PHF21B: variants seen among roughly 807,000 people sequenced by gnomAD.
PHF21B encodes the protein PHD finger protein 21B, also known as PHD finger protein 4.
PHF21B carries 22 observed loss-of-function variants against 62.2 expected under a neutral mutation model. That is an observed-to-expected ratio of 0.35 (90% CI 0.25 to 0.51). The LOEUF is 0.51. Among genes scored for constraint, PHF21B ranks in the 20% least tolerant of loss-of-function variants. The pLI is 0.97. For synonymous variants in PHF21B, 341 were observed against 314.7 expected (o/e 1.08, Z -0.88); for missense variants, 701 against 707.9 (o/e 0.99, Z 0.11).
At position 44,913,918 on chromosome 22, in the gene PHF21B, C is replaced by G; in HGVS notation, c.735G>C (p.Thr245=). ...CCTCTGTGGGCGGCCGCGACTCTGCCGTGCTCTCGGGCTGCGTCTGCACTT... is the reference window on the plus strand; with the variant it reads ...CCTCTGTGGGCGGCCGCGACTCTGCGGTGCTCTCGGGCTGCGTCTGCACTT... ...QPQVQTQPES[T]AESRPPTEEP... The change falls in exon 5 of 13, where the codon ACG becomes ACC. Residue 245 remains threonine (T), a synonymous_variant. Transcript: ENST00000313237. The G allele has an allele frequency of 6.3e-7, 1 of 1,593,396 alleles. No homozygotes were observed. Among genetic ancestry groups the G allele is most frequent in the East Asian group, 2.3e-5 (1 of 43,258 alleles).
At chr22:44,953,637 G>A (rs2072237610) in intron 2 of PHF21B, among the ~76,000 whole-genome samples, 1 of 152,082 alleles carries the variant, frequency 6.6e-6, no homozygotes, top group Non-Finnish European at 1.5e-5. Context: ...ATTCCCCAGG[G>A]GAGGCCCCAG....
chr22:44,980,408 C>T (rs111613397), intron 2 of PHF21B, among the ~76,000 whole-genome samples: 4,823 of 152,258 alleles, frequency 0.032, 103 homozygotes, highest in Middle Eastern at 0.061. Flanking sequence ...GAGTGTATGT[C>T]CAGCACCCTG....
Position 44,936,990 on chromosome 22 carries a change from G to A in PHF21B, c.121-16500C>T, listed in dbSNP as rs139715314. Among the ~76,000 whole-genome samples the A allele has an allele frequency of 4.3e-3, 652 of 151,216 alleles. 7 individuals carry two copies. Among genetic ancestry groups the A allele is most frequent in the African/African-American group, 0.015 (615 of 41,182 alleles). ...CGGGATTGTCCTGCCTCAGCCTCCT[G>A]AGTAGCTGGGATTACAGGTGCCCGC... is the stretch of plus-strand genomic sequence containing the variant. On this transcript the variant is annotated intron_variant, in intron 2 of 12. Transcript: ENST00000313237.
rs926415539 is a variant in PHF21B, at chr22:44,886,612, C to T, written c.1198-674G>A. The stretch of plus-strand genomic sequence containing the variant: ...TGAGGTGGGAAGATTGTTTGAGCCC[C>T]GAAGGTCAAGACTGCAGTGAGCTGT... On this transcript the variant is annotated intron_variant, in intron 10 of 12. Coordinates refer to ENST00000313237, the MANE Select transcript of PHF21B (RefSeq NM_138415.5). 9.9e-5 allele frequency among the ~76,000 whole-genome samples: 15 copies of T among 151,750 alleles called. 3 individuals are homozygous for T. The highest frequency in any genetic ancestry group is 4.8e-5 in the African/African-American group (2 of 41,400).
intron 2 of PHF21B, among the ~76,000 whole-genome samples, chr22:44,921,128 C>A (rs1225288468): frequency 1.3e-5 from 2 of 152,200 alleles, no homozygotes; most frequent in Admixed American, 6.5e-5. Flanking sequence ...TGTGCACCAA[C>A]CTGCCCCCCA....
intron 2 of PHF21B, among the ~76,000 whole-genome samples, chr22:44,985,226 C>T (rs966952996): frequency 1.3e-5 from 2 of 152,190 alleles, no homozygotes; most frequent in Non-Finnish European, 2.9e-5. Flanking sequence ...CAAACTTCCA[C>T]ACCCACTATT....
chr22:44,981,020 A>G (rs186570361), intron 2 of PHF21B, among the ~76,000 whole-genome samples: 8 of 152,370 alleles, frequency 5.3e-5, no homozygotes, highest in Admixed American at 1.3e-4. Flanking sequence ...CGGGAAATAA[A>G]TAAGTCCCAA....
rs767556742 is a variant in PHF21B, at chr22:44,896,023, C to T, written c.883+9G>A. ...AGCCCAACCTGCTGCTACCTGGATC[C>T]TTCCTTACCTTCCAAATGTTCCGTG... On this transcript the variant is annotated intron_variant, in intron 6 of 12. Coordinates refer to ENST00000313237, the MANE Select transcript of PHF21B (RefSeq NM_138415.5). 4 of 1,614,202 alleles carry T rather than the reference C, an allele frequency of 2.5e-6. No individual in the cohort carries two copies. The highest frequency in any genetic ancestry group is 1.6e-4 in the Middle Eastern group (1 of 6,062).
chr22:44,984,788 T>C (rs16991948), intron 2 of PHF21B, among the ~76,000 whole-genome samples: 12,334 of 152,316 alleles, frequency 0.081, 629 homozygotes, highest in Middle Eastern at 0.19. Context: ...ATTCCTGTTA[T>C]TTCCTTCCAG....
chr22:44,961,118 G>A (rs1189157268), intron 2 of PHF21B, among the ~76,000 whole-genome samples: 8 of 151,534 alleles, frequency 5.3e-5, no homozygotes, highest in East Asian at 2.0e-4. Flanking sequence ...CACCACACCC[G>A]GCTCATTTTT....
At chr22:44,914,335 G>A (rs1440236893) in intron 4 of PHF21B, among the ~76,000 whole-genome samples, 1 of 152,200 alleles carries the variant, frequency 6.6e-6, no homozygotes, top group Non-Finnish European at 1.5e-5. Flanking sequence ...AACTGGGAAG[G>A]TCTGGGTTCC....
intron 8 of PHF21B, 139 bp from the exon 9 acceptor site, chr22:44,889,921 C>A: frequency 3.5e-6 from 3 of 860,712 alleles, no homozygotes. Context: ...CCCCATGATA[C>A]CTGGGCTCTC....
chr22:44,952,678 T>C (rs1027263881), intron 2 of PHF21B, among the ~76,000 whole-genome samples: 5 of 152,228 alleles, frequency 3.3e-5, no homozygotes, highest in African/African-American at 1.2e-4. Flanking sequence ...CCACATCTCC[T>C]ATGATGAATA....
chr22:44,996,719 C>T lies in PHF21B; in HGVS notation c.120+11826G>A, dbSNP rs561829426. Among the ~76,000 whole-genome samples the T allele has an allele frequency of 5.2e-3, 784 of 152,092 alleles. 5 individuals are homozygous for T. The highest frequency in any genetic ancestry group is 0.018 in the African/African-American group (745 of 41,478). ...ATGCATATACACATGCAGACATATA[C>T]ACATGCATGCAAACACACACAAACA... On this transcript the variant is annotated intron_variant, in intron 2 of 12. Transcript: ENST00000313237.
At chr22:45,006,106 CAA>C (rs2073309195) in intron 2 of PHF21B, among the ~76,000 whole-genome samples, 3 of 152,166 alleles carry the variant, frequency 2.0e-5, no homozygotes, top group African/African-American at 7.2e-5. Flanking sequence ...TGAAAGATTT[CAA>C]CGCAGAGCCT....
At chr22:44,961,373 G>A (rs1350127342) in intron 2 of PHF21B, among the ~76,000 whole-genome samples, 1 of 152,150 alleles carries the variant, frequency 6.6e-6, no homozygotes, top group African/African-American at 2.4e-5. Context: ...CCCAGGTAGT[G>A]AGCACAGTAC....
At position 44,916,543 on chromosome 22, in the gene PHF21B, C is replaced by T; in HGVS notation, c.301G>A (p.Ala101Thr). ...PPKQPPTFQKATVVSVKNPSP... is the reference protein window; with the variant it reads ...PPKQPPTFQKTTVVSVKNPSP... ...GGGTTCTTGACGCTGACCACGGTGG[C>T]CTTCTGGAATGTTGGGGGCTGCTTG... is the stretch of plus-strand genomic sequence containing the variant. The change falls in exon 4 of 13, where the codon GCC (alanine) becomes ACC (threonine). Residue 101 changes from alanine to threonine, a missense_variant. Coordinates refer to ENST00000313237, the MANE Select transcript of PHF21B (RefSeq NM_138415.5). 6.2e-7 allele frequency: 1 copy of T among 1,609,320 alleles called. No homozygotes were observed. Among genetic ancestry groups the T allele is most frequent in the South Asian group, 1.1e-5 (1 of 91,074 alleles).
chr22:45,007,436 G>A, intron 2 of PHF21B, among the ~76,000 whole-genome samples: 1 of 147,418 alleles, frequency 6.8e-6, no homozygotes, highest in Admixed American at 6.7e-5. Context: ...CGCGGGGGCA[G>A]GCCCGGGCGG....
intron 2 of PHF21B, among the ~76,000 whole-genome samples, chr22:44,992,543 C>T (rs1172896784): frequency 6.6e-6 from 1 of 152,220 alleles, no homozygotes; most frequent in Admixed American, 6.5e-5. Flanking sequence ...CAGGCAGGAG[C>T]GGAGGCGAGG....
Sources: gnomAD v4.1 joint callset for allele counts (sites outside exome capture counted in the v4.1 genomes callset) on GRCh38, gnomAD v4.1.1 for gene constraint, MANE v1.5 for transcripts, NCBI Gene and HGNC (gene_info 2026-07-23, HGNC 2026-07-21) for gene names.